KIF14: variants seen among roughly 807,000 people sequenced by gnomAD.
The protein encoded by KIF14 is kinesin-like protein KIF14.
A neutral mutation model predicts 176.2 loss-of-function variants in KIF14; 98 were observed. That is an observed-to-expected ratio of 0.56 (90% confidence interval 0.47 to 0.66). The LOEUF is 0.66. KIF14 is among the 30% of genes least tolerant of loss of function. KIF14 has a pLI of 0.00. For missense variants in KIF14, 1,751 were observed against 1,920.4 expected (o/e 0.91, Z 1.65); for synonymous variants, 566 against 632.2 (o/e 0.90, Z 1.57).
Position 200,603,826 on chromosome 1 carries a change from G to A in KIF14, c.1863+13C>T, listed in dbSNP as rs200828513. On this transcript the variant is annotated intron_variant, in intron 9 of 29. Transcript: ENST00000367350. Reference sequence around the variant, plus strand: ...ATAAATTTCATCAAAAGGAGAAAAAGCATTCCATTTACCTTTAGTCGATCT... The same window carrying A: ...ATAAATTTCATCAAAAGGAGAAAAAACATTCCATTTACCTTTAGTCGATCT... 9 of 1,485,926 alleles carry A rather than the reference G, an allele frequency of 6.1e-6. No individual in the cohort carries two copies. In the East Asian group the frequency reaches 1.4e-4, roughly 22 times the overall value. The allele number at this position is 1,485,926 out of a possible 1,614,324, so 92.0% of individuals were successfully genotyped here.
chr1:200,598,122 GT>G, intron 14 of KIF14, 114 bp downstream of exon 14: 2 of 869,510 alleles, frequency 2.3e-6, no homozygotes, highest in Non-Finnish European at 3.6e-6. Flanking sequence ...TAAACAATGG[GT>G]TTGAAGAATT....
Position 200,603,966 on chromosome 1 carries a change from A to G in KIF14, c.1747-11T>C, listed in dbSNP as rs1193180189. ...TTCCACAAATTCTGTCTACAGCAAA[A>G]TGATATTAAATTAAATTAAGTTCTA... On this transcript the variant is annotated splice_polypyrimidine_tract_variant and intron_variant, in intron 8 of 29. Coordinates refer to ENST00000367350, the MANE Select transcript of KIF14 (RefSeq NM_014875.3). 6.7e-7 allele frequency: 1 copy of G among 1,490,520 alleles called. No homozygotes were observed. Among genetic ancestry groups the G allele is most frequent in the South Asian group, 1.1e-5 (1 of 88,514 alleles). 92.3% of individuals were successfully genotyped at this position (1,490,520 alleles called of 1,614,324 possible).
In KIF14 at chr1:200,608,914, A is replaced by G; in HGVS notation, c.1470T>C (p.Ile490=). 6.3e-7 allele frequency: 1 copy of G among 1,593,526 alleles called. No homozygotes were observed. Among genetic ancestry groups the G allele is most frequent in the South Asian group, 1.1e-5 (1 of 90,150 alleles). The change falls in exon 5 of 30, where the codon ATT becomes ATC. Residue 490 remains isoleucine (I), a synonymous_variant. Transcript: ENST00000367350. ...RKQTQEVSYH[I]EMSFFEVYNE... is the part of the protein sequence containing the mutation. ...TATATACTTCAAAGAAGCTCATTTC[A>G]ATGTGATAGCTGACCTAGTAGGAAT...
chr1:200,613,291 C>T (rs1358160494), intron 4 of KIF14, among the ~76,000 whole-genome samples: 1 of 152,124 alleles, frequency 6.6e-6, no homozygotes, highest in Non-Finnish European at 1.5e-5. Context: ...GCTTTCAAAT[C>T]TTGGTACATG....
At position 200,605,332 on chromosome 1, in the gene KIF14, T is replaced by A; in HGVS notation, c.1697A>T (p.Lys566Ile). The A allele has an allele frequency of 6.2e-7, 1 of 1,613,808 alleles. No individual in the cohort carries two copies. The highest frequency in any genetic ancestry group is 8.5e-7 in the Non-Finnish European group (1 of 1,179,832). Reference protein sequence around the residue: ...RATAATGMNDKSSRSHSVFTL... With the variant: ...RATAATGMNDISSRSHSVFTL... The stretch of plus-strand genomic sequence containing the variant: ...GAAAACTGAATGAGATCGGGAACTT[T>A]TATCATTCATACCAGTAGCAGCAGT... Residue 566 changes from lysine (K) to isoleucine (I), a missense_variant, in exon 8 of 30, where the codon AAA becomes ATA. By Grantham distance (102) the Lys-to-Ile change is moderately radical (BLOSUM62 -3). Coordinates refer to ENST00000367350, the MANE Select transcript of KIF14 (RefSeq NM_014875.3).
chr1:200,601,072 A>G (rs1204407768), intron 11 of KIF14, among the ~76,000 whole-genome samples: 8 of 152,072 alleles, frequency 5.3e-5, no homozygotes, highest in East Asian at 3.9e-4. Flanking sequence ...TAGTAGAGAC[A>G]GGGTTTCCCC....
intron 16 of KIF14, among the ~76,000 whole-genome samples, chr1:200,590,835 G>C (rs1443850121): frequency 6.6e-6 from 1 of 152,138 alleles, no homozygotes. Flanking sequence ...GACCAGCCTG[G>C]GCAACATGGT....
At position 200,586,354 on chromosome 1, in the gene KIF14, C is replaced by T. The variant is rs6691410; in HGVS notation, c.3115-127G>A. 0.34 allele frequency: 225,194 copies of T among 665,022 alleles called. 42,767 individuals carry two copies. Among genetic ancestry groups the T allele is most frequent in the Non-Finnish European group, 0.4 (165,756 of 419,290 alleles). 41.2% of individuals were successfully genotyped at this position (665,022 alleles called of 1,614,324 possible). On this transcript the variant is annotated intron_variant, in intron 18 of 29. Coordinates refer to ENST00000367350, the MANE Select transcript of KIF14 (RefSeq NM_014875.3). ...AGTAACCATTTTACAATTTATATAC[C>T]CCATAACATTGTATAACTTAAATAT...
intron 22 of KIF14, among the ~76,000 whole-genome samples, chr1:200,575,353 C>T (rs531967980): frequency 6.6e-5 from 10 of 152,078 alleles, no homozygotes; most frequent in Non-Finnish European, 1.5e-4. Flanking sequence ...TGATGGAACA[C>T]TGAAAAACTG....
intron 25 of KIF14, 63 bp downstream of exon 25, chr1:200,565,006 G>T: frequency 7.6e-7 from 1 of 1,323,568 alleles, no homozygotes; most frequent in Non-Finnish European, 1.1e-6. Context: ...GATATAGACA[G>T]TAGAAAGCCA....
chr1:200,567,490 C>T (rs1269135589), intron 23 of KIF14, among the ~76,000 whole-genome samples: 3 of 149,086 alleles, frequency 2.0e-5, no homozygotes, highest in Admixed American at 6.7e-5. Flanking sequence ...GCTGAGATTG[C>T]GCCACTGCAC....
At position 200,560,887 on chromosome 1, in the gene KIF14, G is replaced by A. The variant is rs1412822676; in HGVS notation, c.4072-7C>T. 5 of 1,610,730 alleles carry A rather than the reference G, an allele frequency of 3.1e-6. No individual in the cohort carries two copies. Among genetic ancestry groups the A allele is most frequent in the African/African-American group, 2.7e-5 (2 of 74,852 alleles). On this transcript the variant is annotated splice_region_variant and splice_polypyrimidine_tract_variant and intron_variant, in intron 25 of 29. Coordinates refer to ENST00000367350, the MANE Select transcript of KIF14 (RefSeq NM_014875.3). ...AAATATCCAAACAGCATCCCTGTAAGATAAAAATGGACAAGTGTATCAGAT... is the reference window on the plus strand; with the variant it reads ...AAATATCCAAACAGCATCCCTGTAAAATAAAAATGGACAAGTGTATCAGAT...
In KIF14 at chr1:200,560,713, C is replaced by T; in HGVS notation, c.4230+9G>A. The T allele has an allele frequency of 6.2e-7, 1 of 1,614,076 alleles. No individual in the cohort carries two copies. On this transcript the variant is annotated intron_variant, in intron 26 of 29. Transcript: ENST00000367350. ...ATGAAGTCTGTCTGAACTAACATTGCTAAATTACCTGGACACTGGCAGCTT... is the reference window on the plus strand; with the variant it reads ...ATGAAGTCTGTCTGAACTAACATTGTTAAATTACCTGGACACTGGCAGCTT...
At chr1:200,563,946 T>A (rs1189982550) in intron 25 of KIF14, among the ~76,000 whole-genome samples, 2 of 152,056 alleles carry the variant, frequency 1.3e-5, no homozygotes, top group African/African-American at 4.8e-5. Flanking sequence ...ATATGGTGAT[T>A]TCCAGAAACC....
At chr1:200,559,728 G>A (rs1484131506) in intron 26 of KIF14, among the ~76,000 whole-genome samples, 1 of 151,816 alleles carries the variant, frequency 6.6e-6, no homozygotes, top group African/African-American at 2.4e-5. Flanking sequence ...TTTAAGCAGG[G>A]CTCTATATTG....
At chr1:200,610,090 G>A (rs1262815999) in intron 4 of KIF14, among the ~76,000 whole-genome samples, 1 of 152,178 alleles carries the variant, frequency 6.6e-6, no homozygotes, top group African/African-American at 2.4e-5. Context: ...CCCCTTTGAT[G>A]GCAATGAAAA....
chr1:200,600,562 G>C (rs577722949), intron 11 of KIF14, 59 bp from the exon 12 acceptor site: 1 of 1,187,620 alleles, frequency 8.4e-7, no homozygotes, highest in South Asian at 1.3e-5. Flanking sequence ...AATTTCCACA[G>C]TAAGCATAAT....
intron 22 of KIF14, among the ~76,000 whole-genome samples, chr1:200,571,473 A>C (rs533167168): frequency 9.5e-4 from 145 of 152,306 alleles, no homozygotes; most frequent in African/African-American, 3.3e-3. Context: ...TTCATCTATA[A>C]ATTTTCTAAA....
intron 25 of KIF14, among the ~76,000 whole-genome samples, chr1:200,563,670 T>C (rs934702279): frequency 6.6e-6 from 1 of 152,162 alleles, no homozygotes; most frequent in East Asian, 1.9e-4. Flanking sequence ...AGTCCTAGTA[T>C]TATAGGCATG....
Sources: allele counts gnomAD v4.1 joint callset (sites outside exome capture counted in the v4.1 genomes callset), GRCh38; gene constraint gnomAD v4.1.1; transcripts MANE v1.5; gene names NCBI Gene and HGNC (gene_info 2026-07-23, HGNC 2026-07-21).